ACSBG2: variants seen among roughly 807,000 people sequenced by gnomAD.
The protein encoded by ACSBG2 is long-chain-fatty-acid--CoA ligase ACSBG2.
Under a neutral mutation model 74.7 loss-of-function variants are expected in ACSBG2, and 62 were observed. The observed-to-expected ratio is 0.83, with a 90% CI of 0.68 to 1.03. The LOEUF (loss-of-function observed/expected upper bound fraction) is 1.03. ACSBG2 is among the 50% of genes least tolerant of loss of function. The probability of loss-of-function intolerance (pLI) is 0.00; values close to 1 mark genes in which losing one functional copy is unlikely to be tolerated. For synonymous variants in ACSBG2, 309 were observed against 294.1 expected, an observed-to-expected ratio of 1.05 and a Z score of -0.52; for missense variants, 730 against 817.6, an observed-to-expected ratio of 0.89 and a Z score of 1.31.
intron 13 of ACSBG2, chr19:6,189,971 G>C (rs1358481652): frequency 6.5e-6 from 1 of 153,052 alleles, no homozygotes; most frequent in Non-Finnish European, 1.5e-5. Context: ...GCCTCCCAAA[G>C]TGCTGGGATT....
chr19:6,187,219 G>C, intron 11 of ACSBG2, 64 bp from the exon 12 acceptor site: 1 of 1,604,706 alleles, frequency 6.2e-7, no homozygotes, highest in African/African-American at 1.3e-5. Context: ...TGGCCAGGCT[G>C]GTCTCAAACT....
At chr19:6,141,396 G>C in intron 1 of ACSBG2, 117 bp from the exon 2 acceptor site, 1 of 637,932 alleles carries the variant, frequency 1.6e-6, no homozygotes, top group South Asian at 1.9e-5. Context: ...CCCAGGACAG[G>C]CATGACCAAT....
In ACSBG2 at chr19:6,182,741, T is replaced by A. The variant is rs577521043; in HGVS notation, c.907-10T>A. The A allele has an allele frequency of 3.1e-6, 5 of 1,613,092 alleles. No homozygotes were observed. The highest frequency in any genetic ancestry group is 4.2e-6 in the Non-Finnish European group (5 of 1,179,422). ...CCCTGCTGTGGCTAACCTAGCTTCG[T>A]TCCATACAGGGCACCTTGGTAAGTA... On this transcript the variant is annotated splice_polypyrimidine_tract_variant and intron_variant, in intron 8 of 14. Coordinates refer to ENST00000588485, the MANE Select transcript of ACSBG2 (RefSeq NM_030924.5).
intron 13 of ACSBG2, among the ~76,000 whole-genome samples, chr19:6,189,494 T>C (rs1457669551): frequency 2.0e-5 from 3 of 151,996 alleles, no homozygotes; most frequent in Non-Finnish European, 4.4e-5. Flanking sequence ...CTGTCCCCTC[T>C]ACACAGGGAA....
intron 3 of ACSBG2, among the ~76,000 whole-genome samples, chr19:6,148,623 A>C (rs2089127203): frequency 6.7e-6 from 1 of 148,428 alleles, no homozygotes; most frequent in East Asian, 2.0e-4. Flanking sequence ...CTAGCTGGGC[A>C]ACAGAGTGAG....
chr19:6,145,666 C>A (rs1358586445), intron 2 of ACSBG2, among the ~76,000 whole-genome samples: 1 of 152,134 alleles, frequency 6.6e-6, no homozygotes, highest in Non-Finnish European at 1.5e-5. Context: ...CCAGAGGAAA[C>A]CCTGTTCTCT....
intron 7 of ACSBG2, among the ~76,000 whole-genome samples, chr19:6,171,421 A>G (rs1243711037): frequency 1.3e-5 from 2 of 151,856 alleles, no homozygotes; most frequent in African/African-American, 4.8e-5. Flanking sequence ...GTGATGACAA[A>G]TTCCTTTACA....
At chr19:6,150,930 A>G (rs968071180) in intron 3 of ACSBG2, among the ~76,000 whole-genome samples, 1 of 151,934 alleles carries the variant, frequency 6.6e-6, no homozygotes, top group African/African-American at 2.4e-5. Context: ...CCTGGCCAAC[A>G]TGGTGAAACG....
At chr19:6,169,332 C>T (rs536561294) in intron 7 of ACSBG2, among the ~76,000 whole-genome samples, 121 of 152,284 alleles carry the variant, frequency 7.9e-4, no homozygotes, top group African/African-American at 2.8e-3. Context: ...TTTCCCAGCA[C>T]CACTTAGTGA....
chr19:6,183,147 G>A lies in ACSBG2; in HGVS notation c.1197G>A (p.Ala399=), dbSNP rs142334228. ...GTCACTCTTTTATCAGTGGGACTGC[G>A]CCCCTCAACCAAGAGACTGCCGAGT... ...DHCHSFISGT[A]PLNQETAEFF... Residue 399 remains alanine, a synonymous_variant, in exon 10 of 15, where the codon GCG becomes GCA. Transcript: ENST00000588485. 8,790 of 1,614,166 alleles carry A rather than the reference G, an allele frequency of 5.4e-3. 38 individuals are homozygous for A. The highest frequency in any genetic ancestry group is 0.01 in the South Asian group (918 of 91,078).
intron 4 of ACSBG2, among the ~76,000 whole-genome samples, chr19:6,154,895 C>T (rs965695229): frequency 1.3e-5 from 2 of 152,118 alleles, no homozygotes; most frequent in Non-Finnish European, 2.9e-5. Context: ...GGCTCTGGTG[C>T]CACATCAGAC....
rs769589723 is a variant in ACSBG2, at chr19:6,185,482, A to T, written c.1369A>T (p.Asn457Tyr). Residue 457 changes from asparagine (N) to tyrosine (Y), a missense_variant, in exon 11 of 15, where the codon AAC becomes TAC. Asn to Tyr is a moderately radical substitution (Grantham distance 143). Coordinates refer to ENST00000588485, the MANE Select transcript of ACSBG2 (RefSeq NM_030924.5). The stretch of plus-strand genomic sequence containing the variant: ...GTGTAAGAATATGCTGTTCCAGCAG[A>T]ACAAGGATGGCATTGGGGAGATCTG... ...TGCKNMLFQQ[N>Y]KDGIGEICLW... The T allele has an allele frequency of 3.9e-5, 63 of 1,614,232 alleles. No individual in the cohort carries two copies. Among genetic ancestry groups the T allele is most frequent in the Non-Finnish European group, 5.3e-5 (63 of 1,180,040 alleles).
At chr19:6,135,948 CT>C (rs200389684) in intron 1 of ACSBG2, 39 bp downstream of exon 1, 39 of 148,778 alleles carry the variant, frequency 2.6e-4, no homozygotes, top group Non-Finnish European at 4.5e-4. Context: ...GTTTTCTTTT[CT>C]TTTTTTTTTG....
At chr19:6,141,453 G>A in intron 1 of ACSBG2, 60 bp from the exon 2 acceptor site, 1 of 811,112 alleles carries the variant, frequency 1.2e-6, no homozygotes, top group Non-Finnish European at 2.2e-6. Flanking sequence ...GGAAGAGTTG[G>A]CCTCATCCCT....
intron 7 of ACSBG2, among the ~76,000 whole-genome samples, chr19:6,173,354 A>G (rs140690094): frequency 6.6e-6 from 1 of 152,236 alleles, no homozygotes; most frequent in East Asian, 1.9e-4. Context: ...CTGCTGTCTC[A>G]GTTCAGGTCT....
At chr19:6,139,144 A>G (rs1036297884) in intron 1 of ACSBG2, among the ~76,000 whole-genome samples, 5 of 151,732 alleles carry the variant, frequency 3.3e-5, no homozygotes, top group South Asian at 2.1e-4. Flanking sequence ...CTGGAGTCCA[A>G]TGGTGCTATC....
intron 6 of ACSBG2, among the ~76,000 whole-genome samples, chr19:6,165,635 T>C: frequency 6.6e-6 from 1 of 152,198 alleles, no homozygotes; most frequent in South Asian, 2.1e-4. Context: ...ATTTTACAAA[T>C]GAGGAAACTG....
chr19:6,151,577 C>T, intron 3 of ACSBG2, 130 bp from the exon 4 acceptor site: 1 of 850,894 alleles, frequency 1.2e-6, no homozygotes, highest in Admixed American at 2.2e-5. Flanking sequence ...TCCCAAAGTG[C>T]TAGGATTACA....
chr19:6,140,418 G>A (rs955387371), intron 1 of ACSBG2, among the ~76,000 whole-genome samples: 9 of 152,202 alleles, frequency 5.9e-5, no homozygotes, highest in Admixed American at 3.3e-4. Context: ...AATGGCTTAC[G>A]CCTGTAATGC....
Sources: gnomAD v4.1 joint callset for allele counts (sites outside exome capture counted in the v4.1 genomes callset) on GRCh38, gnomAD v4.1.1 for gene constraint, MANE v1.5 for transcripts, NCBI Gene and HGNC (gene_info 2026-07-23, HGNC 2026-07-21) for gene names.